PLXNA4: variants seen among roughly 807,000 people sequenced by gnomAD.
PLXNA4 encodes plexin-A4.
In PLXNA4, 44 loss-of-function variants were observed where a neutral mutation model predicts 191.8. The ratio of observed to expected loss-of-function variants is 0.23; its 90% confidence interval spans 0.18 to 0.29. The LOEUF is 0.29. PLXNA4 is among the 10% of genes least tolerant of loss of function. The pLI, the probability that PLXNA4 is intolerant of heterozygous loss-of-function variation, is 1.00. For missense variants in PLXNA4, 1,800 were observed against 2,488.8 expected (o/e 0.72, Z 5.89); for synonymous variants, 1,082 against 1,009.5 (o/e 1.07, Z -1.36).
chr7:132,398,541 C>T (rs942444384), intron 3 of PLXNA4, among the ~76,000 whole-genome samples: 10 of 152,212 alleles, frequency 6.6e-5, no homozygotes. Context: ...TTTCATGAAG[C>T]CAGTGAGCCA....
At chr7:132,330,536 A>G (rs1802550210) in intron 3 of PLXNA4, among the ~76,000 whole-genome samples, 1 of 152,224 alleles carries the variant, frequency 6.6e-6, no homozygotes, top group Non-Finnish European at 1.5e-5. Flanking sequence ...TTTACCGCAC[A>G]CTTTAAAATG....
At position 132,127,143 on chromosome 7, in the gene PLXNA4, C is replaced by G. The variant is rs73155241; in HGVS notation, c.*3336G>C. The G allele has an allele frequency of 6.6e-6, 1 of 152,228 alleles. No individual in the cohort carries two copies. The highest frequency in any genetic ancestry group is 2.4e-5 in the African/African-American group (1 of 41,460). 9.4% of individuals were successfully genotyped at this position (152,228 alleles called of 1,614,324 possible). On this transcript the variant is annotated 3_prime_UTR_variant, in exon 32 of 32. Transcript: ENST00000321063. ...TCCCTGCTACCTTAAGCCCTTCTCT[C>G]TCCAACATGCAAAAAAAATTCCCAC... is the stretch of plus-strand genomic sequence containing the variant.
chr7:132,410,807 T>C (rs1379514572), intron 3 of PLXNA4, among the ~76,000 whole-genome samples: 1 of 152,164 alleles, frequency 6.6e-6, no homozygotes, highest in Admixed American at 6.5e-5. Flanking sequence ...CGACTCCAGC[T>C]AGTTCCCCTT....
At chr7:132,223,314 G>A (rs543996456) in intron 9 of PLXNA4, among the ~76,000 whole-genome samples, 2 of 152,274 alleles carry the variant, frequency 1.3e-5, no homozygotes, top group Admixed American at 6.5e-5. Flanking sequence ...ACCTTTGTCT[G>A]TAACAGAACC....
At chr7:132,555,045 G>GAAAAAACAAAACAAAA (rs1800728834) in intron 1 of PLXNA4, among the ~76,000 whole-genome samples, 3 of 111,942 alleles carry the variant, frequency 2.7e-5, no homozygotes, top group Admixed American at 9.6e-5. Context: ...AAACCTGAAG[G>GAAAAAACAAAACAAAA]AAAAAAAAAA....
intron 2 of PLXNA4, among the ~76,000 whole-genome samples, chr7:132,499,584 G>A (rs1329707574): frequency 3.3e-5 from 5 of 152,292 alleles, no homozygotes; most frequent in Non-Finnish European, 7.4e-5. Context: ...GGCAGACTCA[G>A]CAGCCACAAG....
intron 3 of PLXNA4, chr7:132,383,936 G>A: frequency 1.0e-6 from 1 of 985,440 alleles, no homozygotes. Flanking sequence ...CTGAACAACT[G>A]TTTATAATGC....
chr7:132,182,266 G>C, intron 16 of PLXNA4, 76 bp from the exon 17 acceptor site: 2 of 1,576,966 alleles, frequency 1.3e-6, no homozygotes, highest in Non-Finnish European at 1.7e-6. Flanking sequence ...TGATGACTGA[G>C]CTATGACAAT....
intron 3 of PLXNA4, among the ~76,000 whole-genome samples, chr7:132,322,166 T>C (rs565634461): frequency 1.4e-5 from 2 of 145,354 alleles, no homozygotes; most frequent in African/African-American, 5.2e-5. Context: ...AGGCTAGAGT[T>C]CAATTTCCCT....
chr7:132,131,439 C>T (rs1794922778), intron 31 of PLXNA4, among the ~76,000 whole-genome samples: 1 of 151,504 alleles, frequency 6.6e-6, no homozygotes, highest in South Asian at 2.1e-4. Flanking sequence ...ACAAGGCCTG[C>T]CCCCCGAGAG....
At chr7:132,216,420 G>A (rs1196469612) in intron 9 of PLXNA4, among the ~76,000 whole-genome samples, 1 of 152,166 alleles carries the variant, frequency 6.6e-6, no homozygotes, top group African/African-American at 2.4e-5. Flanking sequence ...GAAGGCATGG[G>A]GGAGGTGGGC....
rs116158473 is a variant in PLXNA4, at chr7:132,383,807, A to T, written c.1372-85585T>A. On this transcript the variant is annotated intron_variant, in intron 3 of 31. Transcript: ENST00000321063. The stretch of plus-strand genomic sequence containing the variant: ...AGTTCAAAGGATTTGACTATTTTCA[A>T]GTTTCTTCCTAAATATTTACACATT... 1.3e-3 allele frequency: 1,287 copies of T among 985,424 alleles called. 12 individuals carry two copies. In the African/African-American group the frequency reaches 0.022, roughly 17 times the overall value. The allele number at this position is 985,424 out of a possible 1,614,324, so 61.0% of individuals were successfully genotyped here. A position where few individuals can be genotyped will look rare whatever the true frequency, so the allele number is the denominator to read the frequency against.
At chr7:132,333,694 C>A (rs1802689369) in intron 3 of PLXNA4, among the ~76,000 whole-genome samples, 2 of 152,166 alleles carry the variant, frequency 1.3e-5, no homozygotes, top group African/African-American at 2.4e-5. Context: ...GCTTGGGGCA[C>A]CCCAAGAGAC....
At chr7:132,486,017 C>T (rs576617150) in intron 3 of PLXNA4, among the ~76,000 whole-genome samples, 78 of 152,220 alleles carry the variant, frequency 5.1e-4, no homozygotes, top group African/African-American at 1.8e-3. Context: ...CAGCAAACAC[C>T]CTTACTCTTA....
chr7:132,286,559 C>T (rs1800690444), intron 4 of PLXNA4, among the ~76,000 whole-genome samples: 1 of 152,140 alleles, frequency 6.6e-6, no homozygotes. Context: ...TTTTCTCCTG[C>T]TCCACATCCT....
chr7:132,580,391 T>C (rs1802380344), upstream of PLXNA4, among the ~76,000 whole-genome samples: 1 of 152,162 alleles, frequency 6.6e-6, no homozygotes. Flanking sequence ...GAGACACAAG[T>C]AGGACCATCT....
At chr7:132,639,598 G>C (rs557131459) in intron 2 of PLXNA4, among the ~76,000 whole-genome samples, 38 of 152,284 alleles carry the variant, frequency 2.5e-4, no homozygotes, top group Non-Finnish European at 4.9e-4. Flanking sequence ...CTTTACCTCT[G>C]CGTTGAGTCA....
intron 2 of PLXNA4, among the ~76,000 whole-genome samples, chr7:132,608,582 T>G (rs1328509943): frequency 6.6e-6 from 1 of 152,116 alleles, no homozygotes; most frequent in Non-Finnish European, 1.5e-5. Context: ...CCTCTGACAC[T>G]TACCCTGTGG....
chr7:132,145,929 A>AT (rs1439874297), intron 28 of PLXNA4, among the ~76,000 whole-genome samples: 1 of 150,336 alleles, frequency 6.7e-6, no homozygotes, highest in African/African-American at 2.4e-5. Flanking sequence ...AAAAAAAAAA[A>AT]AAAAAAATTA....
Sources: gnomAD v4.1 joint callset for allele counts (sites outside exome capture counted in the v4.1 genomes callset) on GRCh38, gnomAD v4.1.1 for gene constraint, MANE v1.5 for transcripts, NCBI Gene and HGNC (gene_info 2026-07-23, HGNC 2026-07-21) for gene names.